Variants in CCSER1 observed in about 807,000 individuals in gnomAD.
The protein encoded by CCSER1 is serine-rich coiled-coil domain-containing protein 1.
Under a neutral mutation model 82.0 loss-of-function variants are expected in CCSER1, and 41 were observed. That is an observed-to-expected ratio of 0.50 (90% CI 0.39 to 0.65). The LOEUF (loss-of-function observed/expected upper bound fraction) is 0.65. CCSER1 is among the 30% of genes least tolerant of loss of function. The pLI is 0.00. For synonymous variants in CCSER1, 414 were observed against 383.9 expected (o/e 1.08, Z -0.92); for missense variants, 1,119 against 1,064.2 (o/e 1.05, Z -0.72).
rs1232843039 is a variant in CCSER1, at chr4:90,656,572, G to C, written c.1932+28340G>C. On this transcript the variant is annotated intron_variant, in intron 6 of 10. Transcript: ENST00000509176. ...TATATGTCTCTAGTGACAGCATATA[G>C]TTGGCTTTTATGGTAAAATTCAGAT... is the stretch of plus-strand genomic sequence containing the variant. 2.0e-5 allele frequency among the ~76,000 whole-genome samples: 3 copies of C among 151,752 alleles called. No homozygotes were observed. The South Asian group carries it at 6.2e-4, about 31-fold the overall frequency.
intron 9 of CCSER1, among the ~76,000 whole-genome samples, chr4:91,030,897 C>T (rs1203144488): frequency 1.3e-5 from 2 of 152,000 alleles, no homozygotes; most frequent in Non-Finnish European, 2.9e-5. Context: ...TCTGTTAGAC[C>T]TCTTTTGGTA....
chr4:90,622,909 C>T (rs371903878), intron 5 of CCSER1, among the ~76,000 whole-genome samples: 1 of 152,130 alleles, frequency 6.6e-6, no homozygotes, highest in African/African-American at 2.4e-5. Context: ...CCTATTTCTC[C>T]ACATCCTCTC....
chr4:91,363,108 G>T (rs557364841), intron 10 of CCSER1, among the ~76,000 whole-genome samples: 1 of 150,760 alleles, frequency 6.6e-6, no homozygotes, highest in African/African-American at 2.4e-5. Context: ...ATTTTCATTC[G>T]TGAGTCATTT....
At chr4:90,939,533 TAGAC>T (rs1390529164) in intron 9 of CCSER1, among the ~76,000 whole-genome samples, 4 of 152,066 alleles carry the variant, frequency 2.6e-5, no homozygotes, top group African/African-American at 7.2e-5. Flanking sequence ...GTGACAGAGA[TAGAC>T]AGCCCAAAAG....
intron 5 of CCSER1, among the ~76,000 whole-genome samples, chr4:90,597,419 C>A (rs1436535177): frequency 6.6e-6 from 1 of 152,026 alleles, no homozygotes; most frequent in East Asian, 1.9e-4. Context: ...GATTGGCATA[C>A]AATAAACTGC....
intron 5 of CCSER1, among the ~76,000 whole-genome samples, chr4:90,592,499 G>C (rs1158859493): frequency 6.6e-6 from 1 of 152,128 alleles, no homozygotes; most frequent in Non-Finnish European, 1.5e-5. Flanking sequence ...CACAGAATTT[G>C]TGCTCAATTT....
chr4:91,352,700 T>G (rs188195054), intron 10 of CCSER1, among the ~76,000 whole-genome samples: 1 of 152,322 alleles, frequency 6.6e-6, no homozygotes, highest in Admixed American at 6.5e-5. Context: ...AAGTGACATA[T>G]GTAATTATGT....
chr4:90,735,298 T>A (rs1745460495), intron 7 of CCSER1, among the ~76,000 whole-genome samples: 1 of 152,100 alleles, frequency 6.6e-6, no homozygotes, highest in Admixed American at 6.5e-5. Context: ...TTTGGATGGG[T>A]CTTTGTTTAG....
intron 3 of CCSER1, among the ~76,000 whole-genome samples, chr4:90,393,130 T>G (rs937091167): frequency 2.6e-5 from 4 of 152,228 alleles, no homozygotes; most frequent in African/African-American, 7.2e-5. Context: ...ATCTCTCATT[T>G]TTTTGCAATT....
chr4:91,537,513 G>A (rs1415574309), intron 10 of CCSER1, among the ~76,000 whole-genome samples: 2 of 151,912 alleles, frequency 1.3e-5, no homozygotes, highest in African/African-American at 4.8e-5. Context: ...CAGTGATAAA[G>A]CACACAAAAA....
At chr4:91,337,722 A>C (rs1374445424) in intron 10 of CCSER1, among the ~76,000 whole-genome samples, 1 of 152,100 alleles carries the variant, frequency 6.6e-6, no homozygotes, top group Non-Finnish European at 1.5e-5. Flanking sequence ...CTGTAGCTAT[A>C]ACACAGACCC....
intron 3 of CCSER1, among the ~76,000 whole-genome samples, chr4:90,344,831 AATG>A (rs1249989916): frequency 6.6e-6 from 1 of 152,116 alleles, no homozygotes; most frequent in Non-Finnish European, 1.5e-5. Context: ...CTAAGAATAA[AATG>A]AGGATAACTT....
intron 10 of CCSER1, among the ~76,000 whole-genome samples, chr4:91,306,021 T>C (rs1745043272): frequency 6.6e-6 from 1 of 150,974 alleles, no homozygotes; most frequent in African/African-American, 2.4e-5. Context: ...AGATGAGATT[T>C]GTTTGGGTGG....
intron 10 of CCSER1, among the ~76,000 whole-genome samples, chr4:91,382,152 G>T (rs1330481044): frequency 6.6e-6 from 1 of 152,152 alleles, no homozygotes; most frequent in Non-Finnish European, 1.5e-5. Context: ...TGTGTTCGGT[G>T]TCAGTCTGCC....
intron 6 of CCSER1, among the ~76,000 whole-genome samples, chr4:90,663,367 C>T (rs1034617619): frequency 6.6e-6 from 1 of 152,204 alleles, no homozygotes; most frequent in African/African-American, 2.4e-5. Flanking sequence ...GATGCCTGCT[C>T]AGTTCCAAAG....
At chr4:90,168,081 A>G (rs1255919276) in intron 1 of CCSER1, among the ~76,000 whole-genome samples, 1 of 152,212 alleles carries the variant, frequency 6.6e-6, no homozygotes, top group Non-Finnish European at 1.5e-5. Flanking sequence ...ACTAGTTTAC[A>G]GTTCCACCAA....
At chr4:90,377,348 T>A (rs1010957441) in intron 3 of CCSER1, among the ~76,000 whole-genome samples, 3 of 152,190 alleles carry the variant, frequency 2.0e-5, no homozygotes, top group African/African-American at 7.2e-5. Flanking sequence ...TCATTTTTAC[T>A]GAAATTTAGC....
At chr4:90,706,442 T>C (rs893383443) in intron 6 of CCSER1, among the ~76,000 whole-genome samples, 4 of 152,122 alleles carry the variant, frequency 2.6e-5, no homozygotes, top group Non-Finnish European at 5.9e-5. Flanking sequence ...AGACCCTGTC[T>C]CTAAAAAGTC....
At chr4:91,250,980 G>T (rs1352725666) in intron 10 of CCSER1, among the ~76,000 whole-genome samples, 1 of 152,070 alleles carries the variant, frequency 6.6e-6, no homozygotes, top group Non-Finnish European at 1.5e-5. Flanking sequence ...ACTGTGTTGT[G>T]CATAATGCTG....
Sources: allele counts gnomAD v4.1 joint callset (sites outside exome capture counted in the v4.1 genomes callset), GRCh38; gene constraint gnomAD v4.1.1; transcripts MANE v1.5; gene names NCBI Gene and HGNC (gene_info 2026-07-23, HGNC 2026-07-21).